Variants in HSBP1 observed in about 807,000 individuals in gnomAD.
The protein encoded by HSBP1 is heat shock factor-binding protein 1.
HSBP1 carries 5 observed loss-of-function variants against 9.6 expected under a neutral mutation model. The observed-to-expected ratio is 0.52, with a 90% CI of 0.27 to 1.09. HSBP1 has a LOEUF of 1.09. HSBP1 is among the 50% of genes least tolerant of loss of function. The probability of loss-of-function intolerance (pLI) is 0.11; values close to 1 mark genes in which losing one functional copy is unlikely to be tolerated. For synonymous variants in HSBP1, 42 were observed against 33.3 expected (o/e 1.26, Z -0.90); for missense variants, 121 against 96.3 (o/e 1.26, Z -1.07).
intron 2 of HSBP1, among the ~76,000 whole-genome samples, 157 bp downstream of exon 2, chr16:83,808,903 A>T (rs1322838413): frequency 6.6e-6 from 1 of 152,192 alleles, no homozygotes; most frequent in Non-Finnish European, 1.5e-5. Flanking sequence ...GACTGCGCCG[A>T]GAGCTAGGGG....
chr16:83,814,261 G>A lies in HSBP1; in HGVS notation c.*2843G>A, dbSNP rs978514272. On this transcript the variant is annotated 3_prime_UTR_variant, in exon 4 of 4. Coordinates refer to ENST00000433866, the MANE Select transcript of HSBP1 (RefSeq NM_001537.4). ...CCATTGAAAGCATTGACTGTAAACC[G>A]CTGTACTGTGCTAAGCCTTTTGTTT... 9 of 152,204 alleles carry A rather than the reference G, an allele frequency of 5.9e-5. No homozygotes were observed. Among genetic ancestry groups the A allele is most frequent in the African/African-American group, 1.4e-4 (6 of 41,458 alleles). The allele number at this position is 152,204 out of a possible 1,614,324, so 9.4% of individuals were successfully genotyped here.
chr16:83,808,286 G>A lies in HSBP1; in HGVS notation c.45+165G>A, dbSNP rs765123283. 8.0e-5 allele frequency: 50 copies of A among 622,336 alleles called. No individual in the cohort carries two copies. The Middle Eastern group carries it at 1.7e-3, about 21-fold the overall frequency. The allele number at this position is 622,336 out of a possible 1,614,324, so 38.6% of individuals were successfully genotyped here. ...GCTCCCGGCCACCTTGACCCCCGGG[G>A]CGCTCGGTGCGGGCCAGTCTCCCCG... is the stretch of plus-strand genomic sequence containing the variant. On this transcript the variant is annotated intron_variant, in intron 1 of 3. Coordinates refer to ENST00000433866, the MANE Select transcript of HSBP1 (RefSeq NM_001537.4).
chr16:83,809,427 T>C lies in HSBP1; in HGVS notation c.*2+2T>C. ...ACCTGCCACGCAAAAGAGTTGAAGGTGAGGAAGGGGGCAATTTTTTTTTTC... is the reference window on the plus strand; with the variant it reads ...ACCTGCCACGCAAAAGAGTTGAAGGCGAGGAAGGGGGCAATTTTTTTTTTC... On this transcript the variant is annotated splice_donor_variant, in intron 3 of 3. Transcript: ENST00000433866. LOFTEE classifies it low-confidence loss of function (3UTR_SPLICE). The C allele has an allele frequency of 6.8e-7, 1 of 1,461,118 alleles. No individual in the cohort carries two copies. Among genetic ancestry groups the C allele is most frequent in the Non-Finnish European group, 9.3e-7 (1 of 1,076,752 alleles). The allele number at this position is 1,461,118 out of a possible 1,614,324, so 90.5% of individuals were successfully genotyped here.
rs1229639613 is a variant in HSBP1, at chr16:83,811,441, G to C, written c.*23G>C. The C allele has an allele frequency of 1.3e-5, 2 of 152,170 alleles. No homozygotes were observed. The highest frequency in any genetic ancestry group is 4.8e-5 in the African/African-American group (2 of 41,422). The allele number at this position is 152,170 out of a possible 1,614,324, so 9.4% of individuals were successfully genotyped here. On this transcript the variant is annotated 3_prime_UTR_variant, in exon 4 of 4. Transcript: ENST00000433866. ...AACAGGTTGCTAATAATTTATACTG[G>C]AATCTGGCATTTTTCCAAGCCAAGA...
At chr16:83,809,125 C>T in intron 2 of HSBP1, 180 bp from the exon 3 acceptor site, 1 of 568,238 alleles carries the variant, frequency 1.8e-6, no homozygotes, top group Non-Finnish European at 3.1e-6. Flanking sequence ...GGGCTGGAAT[C>T]CGATGCGGGG....
chr16:83,809,462 C>CTTTTTT (rs34576085), intron 3 of HSBP1, 37 bp downstream of exon 3: 232 of 408,168 alleles, frequency 5.7e-4, no homozygotes, highest in East Asian at 1.5e-3. Flanking sequence ...CTTTTCTTTT[C>CTTTTTT]TTTTTTTTTT....
In HSBP1 at chr16:83,813,627, T is replaced by G. The variant is rs1015979507; in HGVS notation, c.*2209T>G. On this transcript the variant is annotated 3_prime_UTR_variant, in exon 4 of 4. Coordinates refer to ENST00000433866, the MANE Select transcript of HSBP1 (RefSeq NM_001537.4). ...AGCCACCATGCCTGTCCAAGGGTCT[T>G]TTTTATACTATATGAAGTATTCCTT... 2.6e-5 allele frequency: 4 copies of G among 152,358 alleles called. No individual in the cohort carries two copies. Among genetic ancestry groups the G allele is most frequent in the Non-Finnish European group, 2.9e-5 (2 of 68,146 alleles). 9.4% of individuals were successfully genotyped at this position (152,358 alleles called of 1,614,324 possible). A position where few individuals can be genotyped will look rare whatever the true frequency, so the allele number is the denominator to read the frequency against.
At chr16:83,810,416 A>G (rs2151030670) in intron 3 of HSBP1, among the ~76,000 whole-genome samples, 1 of 150,292 alleles carries the variant, frequency 6.7e-6, no homozygotes, top group East Asian at 2.0e-4. Flanking sequence ...TTCATTTATA[A>G]CATTTTAATT....
chr16:83,819,110 G>A lies in HSBP1; in HGVS notation c.*7692G>A, dbSNP rs1290210003. 4 of 151,936 alleles carry A rather than the reference G, an allele frequency of 2.6e-5. No individual in the cohort carries two copies. Among genetic ancestry groups the A allele is most frequent in the African/African-American group, 4.8e-5 (2 of 41,356 alleles). The allele number at this position is 151,936 out of a possible 1,614,324, so 9.4% of individuals were successfully genotyped here. A position where few individuals can be genotyped will look rare whatever the true frequency, so the allele number is the denominator to read the frequency against. On this transcript the variant is annotated 3_prime_UTR_variant, in exon 4 of 4. Coordinates refer to ENST00000433866, the MANE Select transcript of HSBP1 (RefSeq NM_001537.4). ...ATCAACCTTGGGGCGAGGGTGTTGGGTTGCCCAACACCCTTTAGTCTAATG... is the reference window on the plus strand; with the variant it reads ...ATCAACCTTGGGGCGAGGGTGTTGGATTGCCCAACACCCTTTAGTCTAATG...
In HSBP1 at chr16:83,818,428, C is replaced by G. The variant is rs1904768316; in HGVS notation, c.*7010C>G. 6.6e-6 allele frequency: 1 copy of G among 152,240 alleles called. No individual in the cohort carries two copies. The highest frequency in any genetic ancestry group is 2.4e-5 in the African/African-American group (1 of 41,454). 9.4% of individuals were successfully genotyped at this position (152,240 alleles called of 1,614,324 possible). A position where few individuals can be genotyped will look rare whatever the true frequency, so the allele number is the denominator to read the frequency against. Reference sequence around the variant, plus strand: ...CAGACATTTCTTGGATTTATTCAAGCTGACTTGTATTCCAGAACAATTGTG... The same window carrying G: ...CAGACATTTCTTGGATTTATTCAAGGTGACTTGTATTCCAGAACAATTGTG... On this transcript the variant is annotated 3_prime_UTR_variant, in exon 4 of 4. Coordinates refer to ENST00000433866, the MANE Select transcript of HSBP1 (RefSeq NM_001537.4).
chr16:83,809,113 C>A, intron 2 of HSBP1, 192 bp from the exon 3 acceptor site: 1 of 566,836 alleles, frequency 1.8e-6, no homozygotes, highest in Non-Finnish European at 3.1e-6. Context: ...TAGTAAGGGT[C>A]AGGGCTGGAA....
Position 83,812,475 on chromosome 16 carries a change from CA to C in HSBP1, c.*1059del. On this transcript the variant is annotated 3_prime_UTR_variant, in exon 4 of 4. Coordinates refer to ENST00000433866, the MANE Select transcript of HSBP1 (RefSeq NM_001537.4). ...TGCCAGGAGTGCTAAACCTAGAGGC[CA>C]ATACTGATGACCTGGAAGGTGATCC... 1 of 152,232 alleles carries C rather than the reference CA, an allele frequency of 6.6e-6. No homozygotes were observed. Among genetic ancestry groups the C allele is most frequent in the South Asian group, 2.1e-4 (1 of 4,816 alleles). The allele number at this position is 152,232 out of a possible 1,614,324, so 9.4% of individuals were successfully genotyped here.
rs1904707347 is a variant in HSBP1 at position 83,815,821 on chromosome 16, AATG to A, written c.*4406_*4408del. On this transcript the variant is annotated 3_prime_UTR_variant, in exon 4 of 4. Coordinates refer to ENST00000433866, the MANE Select transcript of HSBP1 (RefSeq NM_001537.4). The stretch of plus-strand genomic sequence containing the variant: ...GCTTCACAATAATAATCTTCGCAAT[AATG>A]ATCTAATAATGGTCAAATTCTGTGT... 1 of 152,152 alleles carries A rather than the reference AATG, an allele frequency of 6.6e-6. No individual in the cohort carries two copies. The highest frequency in any genetic ancestry group is 2.1e-4 in the South Asian group (1 of 4,824). The allele number at this position is 152,152 out of a possible 1,614,324, so 9.4% of individuals were successfully genotyped here.
In HSBP1 at chr16:83,808,616, C is replaced by G. The variant is rs948266440; in HGVS notation, c.46-64C>G. On this transcript the variant is annotated intron_variant, in intron 1 of 3. Transcript: ENST00000433866. ...GAACCCCGGGACCAGGGCTTGCGTC[C>G]TGATCCCAGGAAGTTGTCTCAGGAT... 2.2e-6 allele frequency: 3 copies of G among 1,363,986 alleles called. No homozygotes were observed. In the African/African-American group the frequency reaches 4.3e-5, roughly 19 times the overall value. 84.5% of individuals were successfully genotyped at this position (1,363,986 alleles called of 1,614,324 possible).
Position 83,808,055 on chromosome 16 carries a change from CG to C in HSBP1, c.-21del. ...TGTAGGTTACGGTCTGAGACATCAC[CG>C]CCAAGCTGGGCATCGGGGAGATGGC... On this transcript the variant is annotated 5_prime_UTR_variant, in exon 1 of 4. Transcript: ENST00000433866. 6.5e-7 allele frequency: 1 copy of C among 1,540,044 alleles called. No homozygotes were observed. The highest frequency in any genetic ancestry group is 1.2e-5 in the South Asian group (1 of 83,570).
chr16:83,808,803 C>G (rs1904526323), intron 2 of HSBP1, 57 bp downstream of exon 2: 1 of 1,294,066 alleles, frequency 7.7e-7, no homozygotes, highest in South Asian at 1.2e-5. Context: ...ATTTGCCGGG[C>G]AGTGGTGGGG....
rs1247577942 is a variant in HSBP1 at position 83,819,306 on chromosome 16, T to C, written c.*7888T>C. 1 of 152,158 alleles carries C rather than the reference T, an allele frequency of 6.6e-6. No individual in the cohort carries two copies. Among genetic ancestry groups the C allele is most frequent in the Non-Finnish European group, 1.5e-5 (1 of 68,032 alleles). 9.4% of individuals were successfully genotyped at this position (152,158 alleles called of 1,614,324 possible). A position where few individuals can be genotyped will look rare whatever the true frequency, so the allele number is the denominator to read the frequency against. ...TATTATTTTTGTGTCTTATTTCCCA[T>C]ACACAAAAACACTGCGTAGAGAAAT... On this transcript the variant is annotated 3_prime_UTR_variant, in exon 4 of 4. Coordinates refer to ENST00000433866, the MANE Select transcript of HSBP1 (RefSeq NM_001537.4).
Position 83,817,141 on chromosome 16 carries a change from G to T in HSBP1, c.*5723G>T, listed in dbSNP as rs897640711. The T allele has an allele frequency of 3.9e-5, 6 of 152,242 alleles. No individual in the cohort carries two copies. The highest frequency in any genetic ancestry group is 1.4e-4 in the African/African-American group (6 of 41,458). 9.4% of individuals were successfully genotyped at this position (152,242 alleles called of 1,614,324 possible). On this transcript the variant is annotated 3_prime_UTR_variant, in exon 4 of 4. Transcript: ENST00000433866. ...TGTTCATCTTAGACTCCAGTGTGCA[G>T]TCGAGGTCGAGAACTGCATTCAAGA...
At chr16:83,808,621 C>G (rs763479206) in intron 1 of HSBP1, 59 bp from the exon 2 acceptor site, 23 of 1,388,070 alleles carry the variant, frequency 1.7e-5, no homozygotes, top group Non-Finnish European at 2.3e-5. Flanking sequence ...GCGTCCTGAT[C>G]CCAGGAAGTT....
Sources: gnomAD v4.1 joint callset for allele counts (sites outside exome capture counted in the v4.1 genomes callset) on GRCh38, gnomAD v4.1.1 for gene constraint, MANE v1.5 for transcripts, NCBI Gene and HGNC (gene_info 2026-07-23, HGNC 2026-07-21) for gene names.